The following ZNF587 variants were observed in gnomAD, a reference collection of about 807,000 sequenced individuals.
ZNF587 encodes zinc finger protein zfp6.
In ZNF587, 8 loss-of-function variants were observed where a neutral mutation model predicts 7.5. The observed-to-expected ratio is 1.06, with a 90% CI of 0.62 to 1.92. The LOEUF (loss-of-function observed/expected upper bound fraction) is 1.92. ZNF587 is among the 40% of genes most tolerant of loss of function. The probability of loss-of-function intolerance (pLI) is 0.00; values close to 1 mark genes in which losing one functional copy is unlikely to be tolerated. For synonymous variants in ZNF587, 145 were observed against 237.8 expected (o/e 0.61, Z 3.59); for missense variants, 468 against 692.8 (o/e 0.68, Z 3.64).
intron 2 of ZNF587, among the ~76,000 whole-genome samples, chr19:57,857,457 T>C (rs759589873): frequency 6.6e-6 from 1 of 152,014 alleles, no homozygotes; most frequent in Non-Finnish European, 1.5e-5. Context: ...TTTGCTTTCA[T>C]CTGCAGTTGT....
chr19:57,853,209 G>A (rs1201124935), intron 1 of ZNF587, among the ~76,000 whole-genome samples: 2 of 152,202 alleles, frequency 1.3e-5, no homozygotes, highest in African/African-American at 4.8e-5. Flanking sequence ...TCGGGCATGA[G>A]CCCAAGGTTT....
intron 1 of ZNF587, chr19:57,850,430 C>A: frequency 1.9e-6 from 1 of 537,994 alleles, no homozygotes; most frequent in South Asian, 2.9e-5. Flanking sequence ...GCTGATCAGT[C>A]TGGTTGGAGA....
chr19:57,864,124 C>T lies in ZNF587; in HGVS notation c.*3984C>T, dbSNP rs1418270078. The T allele has an allele frequency of 7.4e-6, 1 of 134,586 alleles. No homozygotes were observed. Among genetic ancestry groups the T allele is most frequent in the Non-Finnish European group, 1.5e-5 (1 of 64,932 alleles). 8.3% of individuals were successfully genotyped at this position (134,586 alleles called of 1,614,324 possible). ...TGTTATATGGGCTTAGATATTATCC[C>T]TAAATTTTTTTTTTTTTTTTTTTTT... On this transcript the variant is annotated 3_prime_UTR_variant, in exon 3 of 3. Coordinates refer to ENST00000339656, the MANE Select transcript of ZNF587 (RefSeq NM_032828.4).
chr19:57,858,413 C>T (rs896991621), intron 2 of ZNF587, 163 bp from the exon 3 acceptor site: 65 of 1,416,928 alleles, frequency 4.6e-5, no homozygotes, highest in Non-Finnish European at 5.7e-5. Context: ...AGGTGTGAGC[C>T]ACCATGCCCA....
Position 57,856,769 on chromosome 19 carries a change from T to G in ZNF587, c.163+536T>G, listed in dbSNP as rs560916828. Among the ~76,000 whole-genome samples the G allele has an allele frequency of 9.2e-5, 14 of 151,926 alleles. No homozygotes were observed. The South Asian group carries it at 2.5e-3, about 27-fold the overall frequency. ...TTGCTCCAGGCTCCCAGGGAAGGAG[T>G]CAGAGTCAGGAGTCTTATAGGCACC... On this transcript the variant is annotated intron_variant, in intron 2 of 2. Coordinates refer to ENST00000339656, the MANE Select transcript of ZNF587 (RefSeq NM_032828.4).
chr19:57,855,094 G>T (rs1181086924), intron 1 of ZNF587, among the ~76,000 whole-genome samples: 1 of 152,054 alleles, frequency 6.6e-6, no homozygotes, highest in Non-Finnish European at 1.5e-5. Context: ...TGAGGCAGGA[G>T]AATGGCCTGA....
Position 57,860,239 on chromosome 19 carries a change from G to A in ZNF587, c.*99G>A, listed in dbSNP as rs1275108121. On this transcript the variant is annotated 3_prime_UTR_variant, in exon 3 of 3. Transcript: ENST00000339656. ...AGGCCTTATGAGTGCTGTCAATGTG[G>A]AAAACATCAGAATGTCTGCTGTCCT... The A allele has an allele frequency of 6.3e-7, 1 of 1,596,438 alleles. No homozygotes were observed. The highest frequency in any genetic ancestry group is 2.2e-5 in the East Asian group (1 of 44,710).
chr19:57,859,681 C>T lies in ZNF587; in HGVS notation c.1269C>T (p.Leu423=). 6.2e-7 allele frequency: 1 copy of T among 1,613,666 alleles called. No homozygotes were observed. Among genetic ancestry groups the T allele is most frequent in the Non-Finnish European group, 8.5e-7 (1 of 1,179,964 alleles). ...AATCATTTAGGTACAGATCCCACCT[C>T]ACTGAACACCAGAGACTTCACACTG... The part of the protein sequence containing the change: ...CGKSFRYRSH[L]TEHQRLHTGE... Residue 423 remains leucine (L), a synonymous_variant, in exon 3 of 3, where the codon CTC becomes CTT. Coordinates refer to ENST00000339656, the MANE Select transcript of ZNF587 (RefSeq NM_032828.4).
chr19:57,856,412 T>G (rs1201089431), intron 2 of ZNF587, among the ~76,000 whole-genome samples, 179 bp downstream of exon 2: 1 of 151,146 alleles, frequency 6.6e-6, no homozygotes. Context: ...CTCTCCTGTT[T>G]TTTTTTTTTT....
In ZNF587 at chr19:57,854,337, C is replaced by T. The variant is rs144960884; in HGVS notation, c.34-1767C>T. On this transcript the variant is annotated intron_variant, in intron 1 of 2. Coordinates refer to ENST00000339656, the MANE Select transcript of ZNF587 (RefSeq NM_032828.4). The stretch of plus-strand genomic sequence containing the variant: ...GTTCTGTGTGGCTATGGAGTCATTC[C>T]AGGAGACGTTCACAGGATGATTTGG... 1.0e-3 allele frequency among the ~76,000 whole-genome samples: 155 copies of T among 151,724 alleles called. 4 individuals are homozygous for T. In the East Asian group the frequency reaches 0.029, roughly 28 times the overall value.
chr19:57,859,974 A>C lies in ZNF587; in HGVS notation c.1562A>C (p.Lys521Thr). 1.2e-6 allele frequency: 2 copies of C among 1,614,064 alleles called. No homozygotes were observed. The highest frequency in any genetic ancestry group is 4.5e-5 in the East Asian group (2 of 44,874). Residue 521 changes from lysine (K) to threonine (T), a missense_variant, in exon 3 of 3, where the codon AAG (lysine) becomes ACG (threonine). Lys to Thr is a moderately conservative substitution (Grantham distance 78). Transcript: ENST00000339656. ...KRVHSGQKPY[K>T]CSECGKSFSE... is the part of the protein sequence containing the mutation. ...GTTCATTCTGGACAAAAGCCTTATA[A>C]GTGCAGTGAATGTGGAAAATCCTTT...
rs1307112542 is a variant in ZNF587 at position 57,860,306 on chromosome 19, T to G, written c.*166T>G. The G allele has an allele frequency of 7.3e-7, 1 of 1,370,066 alleles. No homozygotes were observed. Among genetic ancestry groups the G allele is most frequent in the East Asian group, 2.3e-5 (1 of 42,816 alleles). The allele number at this position is 1,370,066 out of a possible 1,614,324, so 84.9% of individuals were successfully genotyped here. A position where few individuals can be genotyped will look rare whatever the true frequency, so the allele number is the denominator to read the frequency against. ...CGTGTTGAGATGGAGTCTTGTTCTG[T>G]CACCCAGGCTGGAGTGCAGTGGTGC... is the stretch of plus-strand genomic sequence containing the variant. On this transcript the variant is annotated 3_prime_UTR_variant, in exon 3 of 3. Coordinates refer to ENST00000339656, the MANE Select transcript of ZNF587 (RefSeq NM_032828.4).
At position 57,863,824 on chromosome 19, in the gene ZNF587, C is replaced by T. The variant is rs929742207; in HGVS notation, c.*3684C>T. 2.6e-5 allele frequency: 4 copies of T among 151,638 alleles called. No individual in the cohort carries two copies. The highest frequency in any genetic ancestry group is 2.9e-5 in the Non-Finnish European group (2 of 67,968). 9.4% of individuals were successfully genotyped at this position (151,638 alleles called of 1,614,324 possible). On this transcript the variant is annotated 3_prime_UTR_variant, in exon 3 of 3. Transcript: ENST00000339656. ...CTTTGGGAGGCTGAGGTGGGCGGAT[C>T]ACAAGGTCAGGAGTTCAAGACCACC...
chr19:57,852,659 C>G (rs934656315), intron 1 of ZNF587, among the ~76,000 whole-genome samples: 2 of 151,884 alleles, frequency 1.3e-5, no homozygotes, highest in African/African-American at 2.4e-5. Context: ...TTCAAGGTAG[C>G]TGGCATTACA....
intron 2 of ZNF587, among the ~76,000 whole-genome samples, chr19:57,856,481 C>G (rs2071357924): frequency 1.3e-5 from 2 of 151,350 alleles, no homozygotes; most frequent in Non-Finnish European, 2.9e-5. Context: ...CATCTCGGCT[C>G]ACTGCAAGCT....
In ZNF587 at chr19:57,859,752, G is replaced by A; in HGVS notation, c.1340G>A (p.Arg447Lys). 1 of 1,612,390 alleles carries A rather than the reference G, an allele frequency of 6.2e-7. No homozygotes were observed. Among genetic ancestry groups the A allele is most frequent in the Non-Finnish European group, 8.5e-7 (1 of 1,179,670 alleles). Residue 447 changes from arginine to lysine, a missense_variant, in exon 3 of 3, where the codon AGG (arginine) becomes AAG (lysine). This residue lies in a region of ZNF587 where 310 missense variants were observed against 325.6 expected (regional missense o/e 0.95). Transcript: ENST00000339656. ...AGGGAATGTGGGAAATTATTTAACAGGAAGTATCATCTTCTGGTTCATGAG... is the reference window on the plus strand; with the variant it reads ...AGGGAATGTGGGAAATTATTTAACAAGAAGTATCATCTTCTGGTTCATGAG... Reference protein sequence around the residue: ...NCRECGKLFNRKYHLLVHERV... With the variant: ...NCRECGKLFNKKYHLLVHERV...
Position 57,859,536 on chromosome 19 carries a change from C to G in ZNF587, c.1124C>G (p.Thr375Ser), listed in dbSNP as rs1374129704. ...FCFINHQRVHTGERPYKCGEC... is the reference protein window; with the variant it reads ...FCFINHQRVHSGERPYKCGEC... The stretch of plus-strand genomic sequence containing the variant: ...TTTATTAACCATCAGCGTGTTCACA[C>G]TGGAGAAAGGCCTTACAAGTGTGGA... The change falls in exon 3 of 3, where the codon ACT (threonine) becomes AGT (serine). Residue 375 changes from threonine (T) to serine (S), a missense_variant. By Grantham distance (58) the Thr-to-Ser change is moderately conservative (BLOSUM62 1). Around this residue, in one of 5 missense-constraint regions of ZNF587, gnomAD observed 310 missense variants for 325.6 expected, o/e 0.95. Coordinates refer to ENST00000339656, the MANE Select transcript of ZNF587 (RefSeq NM_032828.4). The G allele has an allele frequency of 1.2e-6, 2 of 1,613,958 alleles. No homozygotes were observed. The highest frequency in any genetic ancestry group is 8.5e-7 in the Non-Finnish European group (1 of 1,179,998).
intron 1 of ZNF587, chr19:57,853,711 A>C (rs2071313084): frequency 6.6e-6 from 1 of 152,080 alleles, no homozygotes; most frequent in Non-Finnish European, 1.5e-5. Flanking sequence ...TAATTCAGGG[A>C]AGATGACACT....
intron 2 of ZNF587, among the ~76,000 whole-genome samples, chr19:57,857,788 C>G (rs1394947634): frequency 6.6e-6 from 1 of 151,774 alleles, no homozygotes; most frequent in African/African-American, 2.4e-5. Context: ...GCACATGCCA[C>G]CATGCCTGAC....
Sources: allele counts gnomAD v4.1 joint callset (sites outside exome capture counted in the v4.1 genomes callset), GRCh38; gene constraint gnomAD v4.1.1; regional missense constraint gnomAD v4.1.1; transcripts MANE v1.5; gene names NCBI Gene and HGNC (gene_info 2026-07-23, HGNC 2026-07-21).